Variants in SLC44A5 observed in about 807,000 individuals in gnomAD.
SLC44A5 encodes the protein solute carrier family 44 member 5, also known as choline transporter-like protein 5.
SLC44A5 carries 57 observed loss-of-function variants against 101.8 expected under a neutral mutation model. The observed-to-expected ratio is 0.56, with a 90% CI of 0.45 to 0.70. The LOEUF is 0.70. Among genes scored for constraint, SLC44A5 ranks in the 30% least tolerant of loss-of-function variants. The pLI, the probability that SLC44A5 is intolerant of heterozygous loss-of-function variation, is 0.00. For synonymous variants in SLC44A5, 281 were observed against 290.9 expected (o/e 0.97, Z 0.35); for missense variants, 737 against 853.1 (o/e 0.86, Z 1.70).
chr1:75,702,555 C>A, the SLC44A5 span, among the ~76,000 whole-genome samples: 1 of 152,042 alleles, frequency 6.6e-6, no homozygotes, highest in Non-Finnish European at 1.5e-5. Context: ...CCATAAAAAC[C>A]CTAGAAGAAA....
chr1:75,641,712 T>C, the SLC44A5 span: 1 of 1,561,888 alleles, frequency 6.4e-7, no homozygotes, highest in African/African-American at 1.4e-5. Flanking sequence ...TACTGCATAT[T>C]CAAGTCATTG....
At position 75,477,796 on chromosome 1, in the gene SLC44A5, G is replaced by A. The variant is rs569325914; in HGVS notation, c.13+63639C>T. Among the ~76,000 whole-genome samples, 92 of 152,218 alleles carry A rather than the reference G, an allele frequency of 6.0e-4. 1 individual carries two copies. Among genetic ancestry groups the A allele is most frequent in the African/African-American group, 1.9e-3 (77 of 41,530 alleles). On this transcript the variant is annotated intron_variant, in intron 2 of 23. Transcript: ENST00000370859. ...TCTGACTGGTGTACCTGAAAGTGACGGGGAGAATGGAACCAAGTTGGAAAA... is the reference window on the plus strand; with the variant it reads ...TCTGACTGGTGTACCTGAAAGTGACAGGGAGAATGGAACCAAGTTGGAAAA...
Position 75,545,093 on chromosome 1 carries a change from T to G in SLC44A5, c.-69-3577A>C, listed in dbSNP as rs141194251. On this transcript the variant is annotated intron_variant, in intron 1 of 23. Coordinates refer to ENST00000370859, the MANE Select transcript of SLC44A5 (RefSeq NM_001130058.2). ...TCATTGTTCAACTCCCACTTATGAGTGGGAACATGCAGTGTTTGGTTTTCC... is the reference window on the plus strand; with the variant it reads ...TCATTGTTCAACTCCCACTTATGAGGGGGAACATGCAGTGTTTGGTTTTCC... 5.7e-3 allele frequency among the ~76,000 whole-genome samples: 870 copies of G among 152,084 alleles called. 15 individuals carry two copies. The highest frequency in any genetic ancestry group is 0.035 in the Admixed American group (535 of 15,258).
the SLC44A5 span, among the ~76,000 whole-genome samples, chr1:75,664,706 G>A: frequency 6.6e-6 from 1 of 152,222 alleles, no homozygotes; most frequent in South Asian, 2.1e-4. Context: ...TGGACCACAA[G>A]GTCAGGAGAT....
intron 4 of SLC44A5, among the ~76,000 whole-genome samples, chr1:75,336,826 T>A (rs959612638): frequency 1.3e-5 from 2 of 152,174 alleles, no homozygotes; most frequent in African/African-American, 4.8e-5. Flanking sequence ...TGTAGACATG[T>A]TATAAAAACT....
chr1:75,707,963 C>A, the SLC44A5 span, among the ~76,000 whole-genome samples: 1 of 152,000 alleles, frequency 6.6e-6, no homozygotes, highest in Admixed American at 6.6e-5. Context: ...AATTAGGTAA[C>A]TTGTATGGTA....
chr1:75,509,799 T>C (rs1669466138), intron 2 of SLC44A5, among the ~76,000 whole-genome samples: 1 of 152,178 alleles, frequency 6.6e-6, no homozygotes, highest in Admixed American at 6.5e-5. Flanking sequence ...TTATAGGGCT[T>C]ACAATTAAAG....
intron 2 of SLC44A5, among the ~76,000 whole-genome samples, chr1:75,531,248 A>G (rs1670705001): frequency 6.6e-6 from 1 of 152,182 alleles, no homozygotes; most frequent in African/African-American, 2.4e-5. Flanking sequence ...CTGATATTTA[A>G]TCTGCTTTCT....
the SLC44A5 span, among the ~76,000 whole-genome samples, chr1:75,628,095 G>A: frequency 6.6e-6 from 1 of 151,670 alleles, no homozygotes; most frequent in South Asian, 2.1e-4. Flanking sequence ...TTACAAGTTT[G>A]AGTAGGTGAT....
At chr1:75,585,160 G>A (rs532627239) in intron 1 of SLC44A5, among the ~76,000 whole-genome samples, 179 of 152,164 alleles carry the variant, frequency 1.2e-3, no homozygotes, top group Non-Finnish European at 2.2e-3. Context: ...AATGATTTAA[G>A]AAAATTTGAA....
the SLC44A5 span, among the ~76,000 whole-genome samples, chr1:75,713,681 T>G: frequency 6.6e-6 from 1 of 152,014 alleles, no homozygotes; most frequent in Non-Finnish European, 1.5e-5. Context: ...TATTGTCCCT[T>G]GTGTAAGGAC....
chr1:75,359,325 C>A (rs1316892902), intron 3 of SLC44A5, among the ~76,000 whole-genome samples: 3 of 149,522 alleles, frequency 2.0e-5, no homozygotes, highest in African/African-American at 7.4e-5. Flanking sequence ...GCCTCCACCT[C>A]CTGATCTCAA....
At chr1:75,229,476 T>C (rs544754041) in intron 12 of SLC44A5, among the ~76,000 whole-genome samples, 2 of 152,298 alleles carry the variant, frequency 1.3e-5, no homozygotes, top group South Asian at 4.1e-4. Context: ...CACACTCTTA[T>C]GTTATAAGGC....
At chr1:75,449,022 C>T (rs1313281450) in intron 2 of SLC44A5, among the ~76,000 whole-genome samples, 2 of 152,096 alleles carry the variant, frequency 1.3e-5, no homozygotes, top group East Asian at 3.9e-4. Context: ...ATGTGTTCAT[C>T]CCTCTGACAA....
chr1:75,661,387 T>TAAAAAAAAAAAAAAAAAAAAAAAAAA, the SLC44A5 span, among the ~76,000 whole-genome samples: 2 of 53,600 alleles, frequency 3.7e-5, no homozygotes, highest in African/African-American at 1.7e-4. Flanking sequence ...CTACTGCAAG[T>TAAAAAAAAAAAAAAAAAAAAAAAAAA]AAAAAAAAAA....
chr1:75,537,034 A>AAAAAAAAAAG (rs1553199990), intron 2 of SLC44A5, among the ~76,000 whole-genome samples: 268 of 18,638 alleles, frequency 0.014, 33 homozygotes, highest in South Asian at 0.031. Context: ...AAAAAAAAAA[A>AAAAAAAAAAG]TATATATCTA....
At position 75,397,778 on chromosome 1, in the gene SLC44A5, T is replaced by C. The variant is rs1029335397; in HGVS notation, c.14-1157A>G. 5.3e-5 allele frequency among the ~76,000 whole-genome samples: 8 copies of C among 152,248 alleles called. 1 individual carries two copies. The highest frequency in any genetic ancestry group is 1.9e-4 in the African/African-American group (8 of 41,560). The stretch of plus-strand genomic sequence containing the variant: ...AACCTGGAATTCAAACTTAGGTCTG[T>C]GTGCTCCAGAGTCCATTTGTAATCA... On this transcript the variant is annotated intron_variant, in intron 2 of 23. Transcript: ENST00000370859.
chr1:75,212,529 T>C (rs1293955620), intron 22 of SLC44A5, among the ~76,000 whole-genome samples: 1 of 152,188 alleles, frequency 6.6e-6, no homozygotes, highest in African/African-American at 2.4e-5. Context: ...GATCTCATTC[T>C]TTCTCACGAC....
At chr1:75,241,355 C>G (rs182742675) in intron 9 of SLC44A5, among the ~76,000 whole-genome samples, 1 of 151,902 alleles carries the variant, frequency 6.6e-6, no homozygotes, top group African/African-American at 2.4e-5. Flanking sequence ...TCCCAAGTAG[C>G]TGGGATTACA....
Sources: gnomAD v4.1 joint callset for allele counts (sites outside exome capture counted in the v4.1 genomes callset) on GRCh38, gnomAD v4.1.1 for gene constraint, MANE v1.5 for transcripts, NCBI Gene and HGNC (gene_info 2026-07-23, HGNC 2026-07-21) for gene names.